The following OPN3 variants were observed in gnomAD, a reference collection of about 807,000 sequenced individuals.
The protein encoded by OPN3 is opsin 3.
A neutral mutation model predicts 33.8 loss-of-function variants in OPN3; 29 were observed. The observed-to-expected ratio is 0.86, with a 90% confidence interval of 0.64 to 1.17. OPN3 has a LOEUF of 1.17. OPN3 is among the 50% of genes most tolerant of loss of function. The probability of loss-of-function intolerance (pLI) is 0.00; values close to 1 mark genes in which losing one functional copy is unlikely to be tolerated. For missense variants in OPN3, 437 were observed against 514.1 expected (o/e 0.85, Z 1.45); for synonymous variants, 216 against 216.1 (o/e 1.00, Z 0.00).
chr1:241,610,795 C>T (rs936919095), intron 1 of OPN3, among the ~76,000 whole-genome samples: 23 of 152,142 alleles, frequency 1.5e-4, no homozygotes, highest in African/African-American at 5.1e-4. Flanking sequence ...TAATGAATGT[C>T]GTCTGACTTC....
chr1:241,615,754 C>A (rs1664108243), intron 1 of OPN3: 3 of 439,116 alleles, frequency 6.8e-6, no homozygotes, highest in South Asian at 1.6e-5. Flanking sequence ...AGCTCCTACT[C>A]CCAACTGTGT....
At chr1:241,607,891 A>G (rs1663885157) in intron 1 of OPN3, among the ~76,000 whole-genome samples, 1 of 152,198 alleles carries the variant, frequency 6.6e-6, no homozygotes, top group Non-Finnish European at 1.5e-5. Context: ...GGGACAATGA[A>G]AGTATCAAGG....
At position 241,593,635 on chromosome 1, in the gene OPN3, C is replaced by T. The variant is rs1051718094; in HGVS notation, c.*793G>A. 1.8e-5 allele frequency: 4 copies of T among 218,862 alleles called. No homozygotes were observed. The highest frequency in any genetic ancestry group is 2.2e-5 in the African/African-American group (1 of 45,062). 13.6% of individuals were successfully genotyped at this position (218,862 alleles called of 1,614,324 possible). ...AGAAAAACAAACATAAATTTATTAGCGGGTATATGTAATATATATGTGGGA... is the reference window on the plus strand; with the variant it reads ...AGAAAAACAAACATAAATTTATTAGTGGGTATATGTAATATATATGTGGGA... On this transcript the variant is annotated 3_prime_UTR_variant, in exon 4 of 4. Coordinates refer to ENST00000366554, the MANE Select transcript of OPN3 (RefSeq NM_014322.3).
chr1:241,594,234 C>T lies in OPN3; in HGVS notation c.*194G>A, dbSNP rs1057200948. 2.2e-5 allele frequency: 12 copies of T among 542,384 alleles called. No individual in the cohort carries two copies. Among genetic ancestry groups the T allele is most frequent in the South Asian group, 6.6e-5 (2 of 30,284 alleles). The allele number at this position is 542,384 out of a possible 1,614,324, so 33.6% of individuals were successfully genotyped here. A position where few individuals can be genotyped will look rare whatever the true frequency, so the allele number is the denominator to read the frequency against. On this transcript the variant is annotated 3_prime_UTR_variant, in exon 4 of 4. Transcript: ENST00000366554. ...TGGTTTTTTCATTATGTAAAGCACC[C>T]GTTGAATTAAAAGAATTTGTTTTTG...
intron 1 of OPN3, chr1:241,630,206 T>C (rs764694167): frequency 6.6e-6 from 1 of 152,036 alleles, no homozygotes; most frequent in African/African-American, 2.4e-5. Context: ...AGTAGTGAAA[T>C]GAGAACTGTA....
At position 241,593,389 on chromosome 1, in the gene OPN3, C is replaced by T; in HGVS notation, c.*1039G>A. The T allele has an allele frequency of 2.3e-6, 1 of 434,534 alleles. No homozygotes were observed. The highest frequency in any genetic ancestry group is 1.7e-5 in the South Asian group (1 of 60,196). The allele number at this position is 434,534 out of a possible 1,614,324, so 26.9% of individuals were successfully genotyped here. A position where few individuals can be genotyped will look rare whatever the true frequency, so the allele number is the denominator to read the frequency against. On this transcript the variant is annotated 3_prime_UTR_variant, in exon 4 of 4. Coordinates refer to ENST00000366554, the MANE Select transcript of OPN3 (RefSeq NM_014322.3). ...GCTGCTGAGTCACTCAGAAATCCTT[C>T]AAACATGATTAATTATGAAGATGAA... is the stretch of plus-strand genomic sequence containing the variant.
At chr1:241,616,864 G>T (rs115557485) in intron 1 of OPN3, among the ~76,000 whole-genome samples, 1,759 of 152,110 alleles carry the variant, frequency 0.012, 48 homozygotes, top group African/African-American at 0.04. Flanking sequence ...TTACCTAAAG[G>T]ATCACTTTTT....
At chr1:241,623,899 G>A (rs1045541628) in intron 1 of OPN3, among the ~76,000 whole-genome samples, 1 of 152,172 alleles carries the variant, frequency 6.6e-6, no homozygotes, top group Non-Finnish European at 1.5e-5. Flanking sequence ...ACTTTCCACA[G>A]TACCTCATCC....
chr1:241,620,514 A>T (rs6674268), intron 1 of OPN3, among the ~76,000 whole-genome samples: 13,813 of 152,104 alleles, frequency 0.091, 784 homozygotes, highest in African/African-American at 0.16. Flanking sequence ...ATGTGAGGAT[A>T]ACACAAGTAA....
At chr1:241,639,160 A>G (rs1665014705) in intron 1 of OPN3, 1 of 152,244 alleles carries the variant, frequency 6.6e-6, no homozygotes, top group Admixed American at 6.5e-5. Context: ...CCGATTGCAG[A>G]GCTAATTACA....
chr1:241,634,788 T>G, intron 1 of OPN3: 1 of 1,613,974 alleles, frequency 6.2e-7, no homozygotes, highest in Non-Finnish European at 8.5e-7. Flanking sequence ...TTTTTAGTTT[T>G]TAAGTATTCT....
intron 1 of OPN3, chr1:241,639,355 G>A (rs963753487): frequency 7.9e-5 from 12 of 152,168 alleles, no homozygotes; most frequent in African/African-American, 2.4e-4. Context: ...AGGTTTACAA[G>A]TACTAATGAG....
intron 2 of OPN3, among the ~76,000 whole-genome samples, chr1:241,598,713 A>G (rs1018651111): frequency 1.3e-5 from 2 of 152,194 alleles, no homozygotes; most frequent in African/African-American, 2.4e-5. Flanking sequence ...AGTTTCTTGA[A>G]TATGTTTCTT....
rs1664847393 is a variant in OPN3 at position 241,635,340 on chromosome 1, T to C, written c.373+4542A>G. 3 of 1,613,924 alleles carry C rather than the reference T, an allele frequency of 1.9e-6. No homozygotes were observed. Among genetic ancestry groups the C allele is most frequent in the Admixed American group, 1.7e-5 (1 of 59,994 alleles). On this transcript the variant is annotated intron_variant, in intron 1 of 3. Transcript: ENST00000366554. Reference sequence around the variant, plus strand: ...TCGCTATTAAAATACGATAACTGGCTTTCTTCAGGTAATGCAGAATCCAGA... The same window carrying C: ...TCGCTATTAAAATACGATAACTGGCCTTCTTCAGGTAATGCAGAATCCAGA...
intron 2 of OPN3, among the ~76,000 whole-genome samples, chr1:241,603,008 G>T (rs1356066060): frequency 6.6e-6 from 1 of 152,220 alleles, no homozygotes; most frequent in Non-Finnish European, 1.5e-5. Flanking sequence ...GCTAGAGGGA[G>T]CTGAGAGTAG....
chr1:241,609,042 A>G (rs1663912341), intron 1 of OPN3, among the ~76,000 whole-genome samples: 1 of 152,240 alleles, frequency 6.6e-6, no homozygotes, highest in African/African-American at 2.4e-5. Flanking sequence ...CACCAGGAGG[A>G]TAAGAATGAA....
chr1:241,632,097 G>C (rs1327116567), intron 1 of OPN3: 1 of 152,160 alleles, frequency 6.6e-6, no homozygotes, highest in Non-Finnish European at 1.5e-5. Context: ...CCTGGTGGGA[G>C]ATAACTGAAT....
chr1:241,628,016 G>A (rs1274254073), intron 1 of OPN3, among the ~76,000 whole-genome samples: 1 of 152,118 alleles, frequency 6.6e-6, no homozygotes, highest in Non-Finnish European at 1.5e-5. Flanking sequence ...AAAAGTTTCT[G>A]ATTAATGTGA....
intron 1 of OPN3, among the ~76,000 whole-genome samples, chr1:241,614,721 G>A (rs1232688112): frequency 6.6e-6 from 1 of 152,076 alleles, no homozygotes; most frequent in Non-Finnish European, 1.5e-5. Context: ...CCTAGCCTTA[G>A]GCTTTTCTGC....
Sources: allele counts gnomAD v4.1 joint callset (sites outside exome capture counted in the v4.1 genomes callset), GRCh38; gene constraint gnomAD v4.1.1; transcripts MANE v1.5; gene names NCBI Gene and HGNC (gene_info 2026-07-23, HGNC 2026-07-21).